RHOJ: variants seen among roughly 807,000 people sequenced by gnomAD.
RHOJ encodes the protein ras homolog family member J.
Under a neutral mutation model 23.4 loss-of-function variants are expected in RHOJ, and 11 were observed. That is an observed-to-expected ratio of 0.47 (90% CI 0.30 to 0.78). RHOJ has a LOEUF of 0.78. Among genes scored for constraint, RHOJ ranks in the 30% least tolerant of loss-of-function variants. The pLI is 0.08. For synonymous variants in RHOJ, 102 were observed against 102.7 expected (o/e 0.99, Z 0.04); for missense variants, 254 against 273.4 (o/e 0.93, Z 0.50).
chr14:63,213,760 C>CT (rs1219205827), intron 1 of RHOJ, among the ~76,000 whole-genome samples: 3 of 152,140 alleles, frequency 2.0e-5, no homozygotes, highest in African/African-American at 7.2e-5. Context: ...CAGGGATCTA[C>CT]TTTTTTCCAT....
At chr14:63,259,071 CT>C (rs1895229004) in intron 1 of RHOJ, among the ~76,000 whole-genome samples, 1 of 152,198 alleles carries the variant, frequency 6.6e-6, no homozygotes, top group Non-Finnish European at 1.5e-5. Context: ...TCCTAAATGG[CT>C]GGAATTACAG....
At position 63,235,926 on chromosome 14, in the gene RHOJ, T is replaced by C. The variant is rs569263236; in HGVS notation, c.178+30879T>C. Among the ~76,000 whole-genome samples, 4 of 152,366 alleles carry C rather than the reference T, an allele frequency of 2.6e-5. No homozygotes were observed. In the South Asian group the frequency reaches 6.2e-4, roughly 24 times the overall value. On this transcript the variant is annotated intron_variant, in intron 1 of 4. Transcript: ENST00000316754. ...AATATAAGTTTATAGCTTTCTGTAA[T>C]AAATGCTTTTTTGCTTGAACAAGTA...
At chr14:63,268,618 A>G (rs1439892978) in intron 1 of RHOJ, among the ~76,000 whole-genome samples, 1 of 152,260 alleles carries the variant, frequency 6.6e-6, no homozygotes, top group Non-Finnish European at 1.5e-5. Flanking sequence ...CTATAAAAGT[A>G]TGTATTAATA....
chr14:63,277,966 A>ACACACACACACACAC (rs1555348905), intron 2 of RHOJ, among the ~76,000 whole-genome samples: 3 of 141,406 alleles, frequency 2.1e-5, no homozygotes, highest in African/African-American at 8.0e-5. Flanking sequence ...CAGCTACACA[A>ACACACACACACACAC]ACACACACAC....
chr14:63,276,602 G>A (rs1881725705), intron 2 of RHOJ, among the ~76,000 whole-genome samples: 1 of 152,184 alleles, frequency 6.6e-6, no homozygotes, highest in African/African-American at 2.4e-5. Flanking sequence ...GCAGGACTAA[G>A]GTTTCCACAG....
At chr14:63,260,934 A>T (rs1254064912) in intron 1 of RHOJ, among the ~76,000 whole-genome samples, 2 of 152,060 alleles carry the variant, frequency 1.3e-5, no homozygotes, top group Non-Finnish European at 2.9e-5. Flanking sequence ...TTATTCTGTC[A>T]TGGGGGATAC....
chr14:63,253,142 G>A (rs558790646), intron 1 of RHOJ, among the ~76,000 whole-genome samples: 6 of 152,306 alleles, frequency 3.9e-5, no homozygotes, highest in Admixed American at 6.5e-5. Flanking sequence ...GGTCATGCAA[G>A]GGGTCATTCA....
intron 4 of RHOJ, chr14:63,288,363 C>G: frequency 1.0e-6 from 1 of 983,982 alleles, no homozygotes; most frequent in Non-Finnish European, 1.2e-6. Flanking sequence ...CAGGCAGAAT[C>G]AATCCTAGGC....
rs144193747 is a variant in RHOJ at position 63,215,104 on chromosome 14, A to G, written c.178+10057A>G. On this transcript the variant is annotated intron_variant, in intron 1 of 4. Transcript: ENST00000316754. ...AGTAAACATCTGTTTCCCCTCTGCA[A>G]ATCCTTCTGTTCTTCTTCATGCTTT... is the stretch of plus-strand genomic sequence containing the variant. Among the ~76,000 whole-genome samples the G allele has an allele frequency of 2.6e-5, 4 of 152,306 alleles. No individual in the cohort carries two copies. In the East Asian group the frequency reaches 7.7e-4, roughly 29 times the overall value.
intron 1 of RHOJ, among the ~76,000 whole-genome samples, chr14:63,223,158 T>G (rs149658869): frequency 6.6e-6 from 1 of 152,200 alleles, no homozygotes; most frequent in Non-Finnish European, 1.5e-5. Context: ...TTGGAGGCAC[T>G]TTCTCCAAGT....
intron 1 of RHOJ, among the ~76,000 whole-genome samples, chr14:63,223,077 C>A (rs1005960346): frequency 3.3e-5 from 5 of 152,128 alleles, no homozygotes; most frequent in Non-Finnish European, 7.4e-5. Context: ...GGCTCATGAC[C>A]AAATCAGTGG....
chr14:63,262,844 A>G (rs576451363), intron 1 of RHOJ, among the ~76,000 whole-genome samples: 15 of 152,332 alleles, frequency 9.8e-5, no homozygotes, highest in African/African-American at 3.4e-4. Flanking sequence ...CTTCCTGTCC[A>G]GTGGGGAATA....
intron 1 of RHOJ, among the ~76,000 whole-genome samples, chr14:63,250,089 T>C (rs1210109347): frequency 6.6e-6 from 1 of 152,132 alleles, no homozygotes; most frequent in Non-Finnish European, 1.5e-5. Flanking sequence ...ATCTCCCACA[T>C]CTCTACTGCT....
chr14:63,222,743 AG>A (rs1398797298), intron 1 of RHOJ, among the ~76,000 whole-genome samples: 12 of 152,126 alleles, frequency 7.9e-5, no homozygotes, highest in Admixed American at 7.2e-4. Context: ...TCAGATGAGT[AG>A]ATTGCAAAAA....
chr14:63,246,703 A>G (rs575959881), intron 1 of RHOJ, among the ~76,000 whole-genome samples: 16 of 152,044 alleles, frequency 1.1e-4, no homozygotes, highest in Admixed American at 3.3e-4. Context: ...AATTTTCACA[A>G]TTTTTTCAAG....
intron 1 of RHOJ, among the ~76,000 whole-genome samples, chr14:63,225,039 G>A (rs988574719): frequency 3.4e-5 from 5 of 146,184 alleles, no homozygotes; most frequent in Non-Finnish European, 5.9e-5. Context: ...TGCAAGCTCC[G>A]CCTTCCGGTT....
chr14:63,206,041 A>G (rs957704341), intron 1 of RHOJ, among the ~76,000 whole-genome samples: 7 of 152,212 alleles, frequency 4.6e-5, no homozygotes, highest in African/African-American at 1.7e-4. Context: ...GCTTTGGGTC[A>G]GGTTCAACAA....
intron 1 of RHOJ, among the ~76,000 whole-genome samples, chr14:63,214,116 T>C (rs894031207): frequency 6.6e-6 from 1 of 152,190 alleles, no homozygotes; most frequent in African/African-American, 2.4e-5. Flanking sequence ...TTTATTCCAC[T>C]ACATATGACA....
At position 63,291,020 on chromosome 14, in the gene RHOJ, T is replaced by C. The variant is rs781770189; in HGVS notation, c.641T>C (p.Ile214Thr). The change falls in exon 5 of 5, where the codon ATC becomes ACC. Residue 214 changes from isoleucine (I) to threonine (T), a missense_variant. Ile to Thr is a moderately conservative substitution (Grantham distance 89). Coordinates refer to ENST00000316754, the MANE Select transcript of RHOJ (RefSeq NM_020663.5). ...CSEGHSCCSI[I>T] ...GAGGGTCACAGCTGCTGTTCAATTA[T>C]CTGAGGTTGTCTGGGACCTGCCTCC... 45 of 1,614,038 alleles carry C rather than the reference T, an allele frequency of 2.8e-5. No homozygotes were observed. Among genetic ancestry groups the C allele is most frequent in the Non-Finnish European group, 3.8e-5 (45 of 1,180,022 alleles).
Sources: allele counts gnomAD v4.1 joint callset (sites outside exome capture counted in the v4.1 genomes callset), GRCh38; gene constraint gnomAD v4.1.1; transcripts MANE v1.5; gene names NCBI Gene and HGNC (gene_info 2026-07-23, HGNC 2026-07-21).